TMEM245: variants seen among roughly 807,000 people sequenced by gnomAD.
The protein encoded by TMEM245 is transmembrane protein 245, also known as protein CG-2.
TMEM245 carries 69 observed loss-of-function variants against 101.2 expected under a neutral mutation model. The observed-to-expected ratio is 0.68, with a 90% confidence interval of 0.56 to 0.83. The LOEUF is 0.83. Among genes scored for constraint, TMEM245 ranks in the 40% least tolerant of loss-of-function variants. The pLI is 0.00. For missense variants in TMEM245, 1,075 were observed against 1,092.8 expected (o/e 0.98, Z 0.23); for synonymous variants, 537 against 449.8 (o/e 1.19, Z -2.45).
At chr9:109,081,938 T>C (rs1045941943) in intron 7 of TMEM245, among the ~76,000 whole-genome samples, 3 of 152,204 alleles carry the variant, frequency 2.0e-5, no homozygotes, top group African/African-American at 7.2e-5. Context: ...ATTCCTTTCA[T>C]GCAAAGCTAC....
intron 10 of TMEM245, among the ~76,000 whole-genome samples, chr9:109,063,492 A>G (rs1829077089): frequency 6.6e-6 from 1 of 152,204 alleles, no homozygotes; most frequent in Admixed American, 6.6e-5. Context: ...TGAATTTTCA[A>G]TATGGAATCA....
intron 9 of TMEM245, among the ~76,000 whole-genome samples, chr9:109,065,422 TA>T (rs1829139680): frequency 6.6e-6 from 1 of 152,120 alleles, no homozygotes; most frequent in Admixed American, 6.5e-5. Flanking sequence ...TGAGAATCAC[TA>T]ATCTAAGGAA....
rs1450952242 is a variant in TMEM245 at position 109,018,166 on chromosome 9, T to C, written c.*2294A>G. On this transcript the variant is annotated 3_prime_UTR_variant, in exon 18 of 18. Coordinates refer to ENST00000374586, the MANE Select transcript of TMEM245 (RefSeq NM_032012.4). ...TCACTTTATACAGCTAAAATCACTT[T>C]GTATATGTATAGTAACTCATTGTAT... is the stretch of plus-strand genomic sequence containing the variant. The C allele has an allele frequency of 6.6e-6, 1 of 152,258 alleles. No individual in the cohort carries two copies. Among genetic ancestry groups the C allele is most frequent in the Non-Finnish European group, 1.5e-5 (1 of 68,042 alleles). The allele number at this position is 152,258 out of a possible 1,614,324, so 9.4% of individuals were successfully genotyped here.
chr9:109,100,486 G>A (rs979015505), intron 3 of TMEM245, among the ~76,000 whole-genome samples: 2 of 151,934 alleles, frequency 1.3e-5, no homozygotes, highest in Non-Finnish European at 2.9e-5. Context: ...ACCACACCCA[G>A]CTAATTTTTA....
chr9:109,026,878 T>G (rs1433114060), intron 17 of TMEM245, among the ~76,000 whole-genome samples: 2 of 151,936 alleles, frequency 1.3e-5, no homozygotes, highest in African/African-American at 2.4e-5. Flanking sequence ...TTCCTCTCTC[T>G]CTCTCCATGT....
chr9:109,119,696 A>C lies in TMEM245; in HGVS notation c.218T>G (p.Val73Gly). 6.4e-7 allele frequency: 1 copy of C among 1,552,472 alleles called. No homozygotes were observed. The highest frequency in any genetic ancestry group is 8.7e-7 in the Non-Finnish European group (1 of 1,152,488). ...CAGGAAGGCCTCCAGGATGAAGTAG[A>C]CCAGCACCGCGGCGCCGCAGCACAG... is the stretch of plus-strand genomic sequence containing the variant. ...VCLCCGAAVL[V>G]YFILEAFLRP... Residue 73 changes from valine to glycine, a missense_variant, in exon 1 of 18, where the codon GTC becomes GGC. Physicochemically the swap from Val to Gly is moderately radical, Grantham distance 109. Around this residue, in one of 2 missense-constraint regions of TMEM245, gnomAD observed 808 missense variants for 741.5 expected, o/e 1.09. Transcript: ENST00000374586.
chr9:109,099,127 A>T (rs907765319), intron 3 of TMEM245, among the ~76,000 whole-genome samples: 1 of 152,216 alleles, frequency 6.6e-6, no homozygotes, highest in Non-Finnish European at 1.5e-5. Flanking sequence ...CCCAGCCTGC[A>T]AAGTTCCCTT....
chr9:109,055,097 AATC>A (rs772604565), intron 12 of TMEM245, among the ~76,000 whole-genome samples: 4 of 152,208 alleles, frequency 2.6e-5, no homozygotes, highest in Non-Finnish European at 4.4e-5. Flanking sequence ...TATAAAATTT[AATC>A]ATGTTTCTTT....
chr9:109,043,836 G>T (rs540928192), intron 14 of TMEM245, among the ~76,000 whole-genome samples: 1 of 152,224 alleles, frequency 6.6e-6, no homozygotes, highest in African/African-American at 2.4e-5. Flanking sequence ...CCATTGGAAG[G>T]TAGGCCATCG....
intron 16 of TMEM245, among the ~76,000 whole-genome samples, chr9:109,035,319 T>C (rs377337319): frequency 1.3e-5 from 2 of 152,198 alleles, no homozygotes; most frequent in East Asian, 3.8e-4. Context: ...AACCACACTA[T>C]GATGTTCAGC....
intron 3 of TMEM245, among the ~76,000 whole-genome samples, chr9:109,094,684 C>T (rs1408517564): frequency 6.6e-6 from 1 of 152,120 alleles, no homozygotes; most frequent in African/African-American, 2.4e-5. Flanking sequence ...ATTCCATGTG[C>T]AAAAATTGTA....
At chr9:109,090,174 T>A (rs1467453915) in intron 5 of TMEM245, among the ~76,000 whole-genome samples, 1 of 152,062 alleles carries the variant, frequency 6.6e-6, no homozygotes, top group African/African-American at 2.4e-5. Flanking sequence ...GGTGGGAGAA[T>A]TGCTTGAACC....
At chr9:109,092,253 G>T (rs1309089159) in intron 4 of TMEM245, among the ~76,000 whole-genome samples, 5 of 152,182 alleles carry the variant, frequency 3.3e-5, no homozygotes. Flanking sequence ...GTGAATGAAT[G>T]ACTTCCCTGT....
At chr9:109,063,691 A>G (rs1829082555) in intron 10 of TMEM245, among the ~76,000 whole-genome samples, 2 of 152,076 alleles carry the variant, frequency 1.3e-5, no homozygotes, top group African/African-American at 4.8e-5. Flanking sequence ...CCTTTCCTCT[A>G]TCATTCATTT....
chr9:109,079,913 A>G (rs1247801395), intron 8 of TMEM245, among the ~76,000 whole-genome samples: 2 of 152,106 alleles, frequency 1.3e-5, no homozygotes, highest in Non-Finnish European at 2.9e-5. Flanking sequence ...ATTAATATCC[A>G]AAGAACAGAT....
chr9:109,083,621 G>A (rs1330384919), intron 7 of TMEM245, among the ~76,000 whole-genome samples: 2 of 151,814 alleles, frequency 1.3e-5, no homozygotes, highest in Non-Finnish European at 2.9e-5. Context: ...ACACTAACTG[G>A]CCTATTTATC....
At chr9:109,085,942 T>C (rs981393991) in intron 7 of TMEM245, 55 bp downstream of exon 7, 3 of 1,581,580 alleles carry the variant, frequency 1.9e-6, no homozygotes, top group African/African-American at 2.7e-5. Context: ...AAAAAGGCGA[T>C]ACAGGGGCAT....
Position 109,119,436 on chromosome 9 carries a change from ACAGGAGCGGGCCGCCGGCGCCGAGCAG to A in TMEM245, c.451_477del (p.Leu151_Leu159del). ...TAGCTGCCGAGGCAGTAGAGGCCGT[ACAGGAGCGGGCCGCCGGCGCCGAGCAG>A]CAGGAGCAGGCGGCGGCGGCGCAGC... On this transcript the variant is annotated inframe_deletion, in exon 1 of 18. Coordinates refer to ENST00000374586, the MANE Select transcript of TMEM245 (RefSeq NM_032012.4). The A allele has an allele frequency of 6.6e-7, 1 of 1,514,174 alleles. No homozygotes were observed. The highest frequency in any genetic ancestry group is 1.4e-5 in the African/African-American group (1 of 69,580). The allele number at this position is 1,514,174 out of a possible 1,614,324, so 93.8% of individuals were successfully genotyped here.
chr9:109,064,500 CA>C lies in TMEM245; in HGVS notation c.1599del (p.Tyr533Ter). 1 of 1,613,762 alleles carries C rather than the reference CA, an allele frequency of 6.2e-7. No homozygotes were observed. On this transcript the variant is annotated frameshift_variant, in exon 10 of 18. Transcript: ENST00000374586. LOFTEE classifies it high-confidence loss of function. ...LNSAANNVYQ[Y>X]GREWITHKLH... ...ACCTTGTGAGTTATCCATTCTCGTC[CA>C]TACTGATACACGTTGTTAGCCGCAG...
Sources: gnomAD v4.1 joint callset for allele counts (sites outside exome capture counted in the v4.1 genomes callset) on GRCh38, gnomAD v4.1.1 for gene constraint, gnomAD v4.1.1 regional missense constraint, MANE v1.5 for transcripts, NCBI Gene and HGNC (gene_info 2026-07-23, HGNC 2026-07-21) for gene names.